The following GPI variants were observed in gnomAD, a reference collection of about 807,000 sequenced individuals.
GPI encodes the protein D-hexose-6-phosphate anomerase.
GPI carries 56 observed loss-of-function variants against 75.8 expected under a neutral mutation model. The ratio of observed to expected loss-of-function variants is 0.74; its 90% confidence interval spans 0.60 to 0.92. GPI has a LOEUF of 0.92. Among genes scored for constraint, GPI ranks in the 40% least tolerant of loss-of-function variants. GPI has a pLI of 0.00. For missense variants in GPI, 638 were observed against 741.0 expected (o/e 0.86, Z 1.61); for synonymous variants, 288 against 285.4 (o/e 1.01, Z -0.09).
chr19:34,365,161 TGCGCCATAAA>T, upstream of GPI: 1 of 1,239,908 alleles, frequency 8.1e-7, no homozygotes, highest in Non-Finnish European at 1.0e-6. Flanking sequence ...GCCGGGCGCC[TGCGCCATAAA>T]GGCCGCCGCG....
At chr19:34,384,568 A>G (rs544890140) in intron 9 of GPI, among the ~76,000 whole-genome samples, 2 of 152,302 alleles carry the variant, frequency 1.3e-5, no homozygotes, top group South Asian at 4.2e-4. Context: ...CACAGGTAGA[A>G]CGGATCTATC....
At chr19:34,387,804 A>G (rs906861259) in intron 9 of GPI, among the ~76,000 whole-genome samples, 2 of 152,178 alleles carry the variant, frequency 1.3e-5, no homozygotes, top group East Asian at 3.9e-4. Flanking sequence ...GCACAAAAGT[A>G]CTGCTGGGCT....
chr19:34,371,796 A>G (rs574075142), intron 4 of GPI, among the ~76,000 whole-genome samples: 41 of 150,168 alleles, frequency 2.7e-4, no homozygotes, highest in African/African-American at 8.8e-4. Flanking sequence ...TGGAGGTTGC[A>G]GTGAGCCAAG....
In GPI at chr19:34,377,494, C is replaced by A; in HGVS notation, c.403-9C>A. ...GTTTGGGCTGATGGCATCTTCGCCC[C>A]TGTGCCAGCGTGTCCGGAGCGGTGA... On this transcript the variant is annotated splice_polypyrimidine_tract_variant and intron_variant, in intron 4 of 17. Transcript: ENST00000356487. The A allele has an allele frequency of 6.2e-7, 1 of 1,606,996 alleles. No homozygotes were observed. The highest frequency in any genetic ancestry group is 1.3e-5 in the African/African-American group (1 of 74,544).
chr19:34,378,013 G>GGCAGCTGTACTGACCTGA, intron 6 of GPI, 132 bp downstream of exon 6: 1 of 883,834 alleles, frequency 1.1e-6, no homozygotes, highest in Non-Finnish European at 1.9e-6. Flanking sequence ...TGTGGATCAG[G>GGCAGCTGTACTGACCTGA]TCAGTACAGC....
intron 8 of GPI, 136 bp from the exon 9 acceptor site, chr19:34,381,330 C>A: frequency 1.3e-6 from 1 of 754,204 alleles, no homozygotes. Flanking sequence ...GCTGCTCCAG[C>A]CCTGCCCCAT....
intron 15 of GPI, 30 bp downstream of exon 15, chr19:34,399,365 G>A (rs2074989475): frequency 1.9e-6 from 3 of 1,613,770 alleles, no homozygotes; most frequent in Non-Finnish European, 2.5e-6. Flanking sequence ...GCTTTGGGGT[G>A]CATGCTGGAG....
intron 7 of GPI, among the ~76,000 whole-genome samples, 188 bp from the exon 8 acceptor site, chr19:34,379,330 A>G (rs2074604105): frequency 6.6e-6 from 1 of 152,112 alleles, no homozygotes; most frequent in African/African-American, 2.4e-5. Context: ...GTAAGATGGG[A>G]TGAGCAGGCG....
Position 34,401,427 on chromosome 19 carries a change from TAGTC to T in GPI, c.*1394_*1397del, listed in dbSNP as rs1000660600. On this transcript the variant is annotated 3_prime_UTR_variant, in exon 18 of 18. Transcript: ENST00000356487. ...TAGCAGAGACAGTGTCTCACTGTGTTAGTCAGGATGGTCTCGATCTCCTGACCTC... is the reference window on the plus strand; with the variant it reads ...TAGCAGAGACAGTGTCTCACTGTGTTAGGATGGTCTCGATCTCCTGACCTC... 1.3e-5 allele frequency: 2 copies of T among 152,042 alleles called. No homozygotes were observed. Among genetic ancestry groups the T allele is most frequent in the Admixed American group, 1.3e-4 (2 of 15,260 alleles). 9.4% of individuals were successfully genotyped at this position (152,042 alleles called of 1,614,324 possible). A position where few individuals can be genotyped will look rare whatever the true frequency, so the allele number is the denominator to read the frequency against.
chr19:34,395,356 C>T (rs2074929133), intron 12 of GPI, among the ~76,000 whole-genome samples: 1 of 151,370 alleles, frequency 6.6e-6, no homozygotes, highest in Admixed American at 6.6e-5. Context: ...CGTAGTGAGG[C>T]CCGGTCTCTA....
chr19:34,397,550 A>C (rs2074962858), intron 14 of GPI: 1 of 152,018 alleles, frequency 6.6e-6, no homozygotes, highest in African/African-American at 2.4e-5. Context: ...GCATGATCAC[A>C]GTTCACTGTA....
rs528983651 is a variant in GPI at position 34,399,920 on chromosome 19, C to T, written c.1561C>T (p.Leu521=). Residue 521 remains leucine, a synonymous_variant, in exon 18 of 18, where the codon CTG becomes TTG. Transcript: ENST00000356487. The stretch of plus-strand genomic sequence containing the variant: ...TGGCAGAGTGGAGCTGGGAAAGCAG[C>T]TGGCTAAGAAAATAGAGCCTGAGCT... The part of the protein sequence containing the change: ...DQWGVELGKQ[L]AKKIEPELDG... 3.7e-6 allele frequency: 6 copies of T among 1,613,998 alleles called. No homozygotes were observed. Among genetic ancestry groups the T allele is most frequent in the Non-Finnish European group, 5.1e-6 (6 of 1,179,984 alleles).
At chr19:34,365,789 C>G (rs1174607311) in intron 1 of GPI, 1 of 475,658 alleles carries the variant, frequency 2.1e-6, no homozygotes, top group East Asian at 6.4e-5. Context: ...AGCTTGGGAG[C>G]GTCTGCAGGG....
At position 34,365,592 on chromosome 19, in the gene GPI, A is replaced by T; in HGVS notation, c.122+204A>T. On this transcript the variant is annotated intron_variant, in intron 1 of 17. Transcript: ENST00000356487. The stretch of plus-strand genomic sequence containing the variant: ...CCTGGGGGCTTGCAGCCTCGCCGGG[A>T]GTCTCGGCCCCGGGTCTGCTTCGTT... 4.6e-6 allele frequency: 4 copies of T among 868,170 alleles called. No homozygotes were observed. In the South Asian group the frequency reaches 5.7e-5, roughly 12 times the overall value. The allele number at this position is 868,170 out of a possible 1,614,324, so 53.8% of individuals were successfully genotyped here. A position where few individuals can be genotyped will look rare whatever the true frequency, so the allele number is the denominator to read the frequency against.
At position 34,396,290 on chromosome 19, in the gene GPI, T is replaced by G. The variant is rs1421818200; in HGVS notation, c.1063-11T>G. 6.2e-7 allele frequency: 1 copy of G among 1,614,158 alleles called. No homozygotes were observed. Among genetic ancestry groups the G allele is most frequent in the East Asian group, 2.2e-5 (1 of 44,880 alleles). ...ATTTTGCCAAGAACTGGGTTTCTGT[T>G]CCTTTTCCAGGGCGACATGGAGTCC... On this transcript the variant is annotated splice_polypyrimidine_tract_variant and intron_variant, in intron 12 of 17. Coordinates refer to ENST00000356487, the MANE Select transcript of GPI (RefSeq NM_000175.5).
chr19:34,399,682 G>T (rs2074993920), intron 16 of GPI, 37 bp from the exon 17 acceptor site: 2 of 1,612,748 alleles, frequency 1.2e-6, no homozygotes, highest in Non-Finnish European at 1.7e-6. Flanking sequence ...GAATGGGCTT[G>T]TGGAGCCCTG....
At chr19:34,365,566 TC>T in intron 1 of GPI, 178 bp downstream of exon 1, 1 of 1,064,722 alleles carries the variant, frequency 9.4e-7, no homozygotes, top group South Asian at 1.3e-5. Context: ...TGGAGTGCGT[TC>T]CTGGGGGCTT....
intron 4 of GPI, among the ~76,000 whole-genome samples, chr19:34,376,253 G>A (rs549971769): frequency 1.3e-5 from 2 of 152,218 alleles, no homozygotes; most frequent in East Asian, 3.9e-4. Context: ...GCAAGACGCT[G>A]TCTCTACAAA....
At chr19:34,370,544 C>T (rs951288105) in intron 4 of GPI, among the ~76,000 whole-genome samples, 2 of 151,916 alleles carry the variant, frequency 1.3e-5, no homozygotes, top group African/African-American at 4.8e-5. Flanking sequence ...CATGGTGAAA[C>T]GCCGTCTGTA....
Sources: gnomAD v4.1 joint callset for allele counts (sites outside exome capture counted in the v4.1 genomes callset) on GRCh38, gnomAD v4.1.1 for gene constraint, MANE v1.5 for transcripts, NCBI Gene and HGNC (gene_info 2026-07-23, HGNC 2026-07-21) for gene names.